The following TMEM26 variants were observed in gnomAD, a reference collection of about 807,000 sequenced individuals.
The protein encoded by TMEM26 is transmembrane protein 26.
TMEM26 carries 38 observed loss-of-function variants against 28.8 expected under a neutral mutation model. The observed-to-expected ratio is 1.32, with a 90% CI of 1.02 to 1.73. The LOEUF (loss-of-function observed/expected upper bound fraction) is 1.73. Ranked by LOEUF, TMEM26 falls within the 40% of genes most tolerant of loss-of-function variation. The pLI, the probability that TMEM26 is intolerant of heterozygous loss-of-function variation, is 0.00. For missense variants in TMEM26, 518 were observed against 447.1 expected (o/e 1.16, Z -1.43); for synonymous variants, 227 against 182.9 (o/e 1.24, Z -1.95).
intron 2 of TMEM26, among the ~76,000 whole-genome samples, chr10:61,432,357 T>G (rs2135314259): frequency 6.6e-6 from 1 of 152,270 alleles, no homozygotes; most frequent in Middle Eastern, 3.4e-3. Flanking sequence ...CTTTTTTGTT[T>G]CTTCATTTTG....
At chr10:61,430,413 A>T (rs1405161112) in intron 3 of TMEM26, among the ~76,000 whole-genome samples, 1 of 152,006 alleles carries the variant, frequency 6.6e-6, no homozygotes, top group Non-Finnish European at 1.5e-5. Context: ...TCTCTATGTT[A>T]TTAATAAACA....
At position 61,436,376 on chromosome 10, in the gene TMEM26, A is replaced by G. The variant is rs1915440; in HGVS notation, c.192-128T>C. ...ACATTGAGTCAAACCTTTTCGTATA[A>G]CTTCAAAGTGTTTATTTCAATGAAG... On this transcript the variant is annotated intron_variant, in intron 1 of 5. Coordinates refer to ENST00000399298, the MANE Select transcript of TMEM26 (RefSeq NM_178505.8). 5.7e-6 allele frequency: 3 copies of G among 525,596 alleles called. No homozygotes were observed. In the African/African-American group the frequency reaches 5.8e-5, roughly 10 times the overall value. 32.6% of individuals were successfully genotyped at this position (525,596 alleles called of 1,614,324 possible).
chr10:61,436,966 CA>C (rs1840018291), intron 1 of TMEM26, among the ~76,000 whole-genome samples: 2 of 152,284 alleles, frequency 1.3e-5, no homozygotes, highest in Admixed American at 1.3e-4. Flanking sequence ...TCTTAATCCA[CA>C]AAAACGTCAC....
At chr10:61,420,550 G>A (rs1191295438) in intron 4 of TMEM26, among the ~76,000 whole-genome samples, 1 of 152,082 alleles carries the variant, frequency 6.6e-6, no homozygotes, top group East Asian at 1.9e-4. Context: ...GTATATATAT[G>A]TAAAATGGTG....
chr10:61,436,236 G>A lies in TMEM26; in HGVS notation c.204C>T (p.Ala68=), dbSNP rs748156861. The change falls in exon 2 of 6, where the codon GCC becomes GCT. Residue 68 remains alanine (A), a synonymous_variant. Transcript: ENST00000399298. ...CGATGCTAATCAGATATAAAAATAT[G>A]GCTGGTGAAAACCTGTGAAAAGAGA... is the stretch of plus-strand genomic sequence containing the variant. ...RGRGYKWFSP[A]IFLYLISIVP... 9.4e-6 allele frequency: 15 copies of A among 1,600,402 alleles called. No homozygotes were observed. Among genetic ancestry groups the A allele is most frequent in the Non-Finnish European group, 1.2e-5 (14 of 1,172,616 alleles).
intron 4 of TMEM26, among the ~76,000 whole-genome samples, chr10:61,426,075 GTA>G (rs1243153995): frequency 1.3e-5 from 2 of 152,080 alleles, no homozygotes; most frequent in African/African-American, 4.8e-5. Flanking sequence ...ACAAAATGTG[GTA>G]TATGTGTTTA....
At chr10:61,417,280 G>A (rs994166258) in intron 4 of TMEM26, among the ~76,000 whole-genome samples, 1 of 151,880 alleles carries the variant, frequency 6.6e-6, no homozygotes, top group Non-Finnish European at 1.5e-5. Flanking sequence ...ATTGACATTA[G>A]TATCACTTTT....
chr10:61,452,783 GT>G (rs1840310379), intron 1 of TMEM26, 107 bp downstream of exon 1: 39 of 1,363,782 alleles, frequency 2.9e-5, no homozygotes, highest in Middle Eastern at 2.2e-4. Context: ...GAAAAACGGG[GT>G]CCAAATTCGA....
chr10:61,445,581 T>C (rs1840166621), intron 1 of TMEM26, among the ~76,000 whole-genome samples: 1 of 152,214 alleles, frequency 6.6e-6, no homozygotes, highest in Non-Finnish European at 1.5e-5. Flanking sequence ...AAATTGGCGT[T>C]CACCCTGGCA....
chr10:61,437,146 A>G (rs1840021175), intron 1 of TMEM26, among the ~76,000 whole-genome samples: 1 of 152,184 alleles, frequency 6.6e-6, no homozygotes, highest in South Asian at 2.1e-4. Context: ...TGCCTTCTCC[A>G]TGTGTCCTCA....
intron 4 of TMEM26, among the ~76,000 whole-genome samples, chr10:61,415,585 T>C (rs1466064190): frequency 6.6e-6 from 1 of 152,050 alleles, no homozygotes; most frequent in African/African-American, 2.4e-5. Flanking sequence ...AAAAGAGAGT[T>C]GAGGAAATTT....
At position 61,436,159 on chromosome 10, in the gene TMEM26, A is replaced by G. The variant is rs763595090; in HGVS notation, c.270+11T>C. On this transcript the variant is annotated intron_variant, in intron 2 of 5. Transcript: ENST00000399298. The stretch of plus-strand genomic sequence containing the variant: ...TGAATAGGTCAATTCCTACTTTCCA[A>G]AAAGAAGTACCTGGGTCTCATGGTG... The G allele has an allele frequency of 1.6e-5, 25 of 1,571,896 alleles. No individual in the cohort carries two copies. The Middle Eastern group carries it at 6.7e-4, about 42-fold the overall frequency.
chr10:61,411,210 G>C (rs967090725), intron 5 of TMEM26, among the ~76,000 whole-genome samples: 1 of 152,176 alleles, frequency 6.6e-6, no homozygotes. Flanking sequence ...AGTTGCTGGC[G>C]GGGTCACTAA....
chr10:61,446,851 A>T (rs1173736222), intron 1 of TMEM26, among the ~76,000 whole-genome samples: 2 of 124,978 alleles, frequency 1.6e-5, no homozygotes, highest in African/African-American at 6.7e-5. Flanking sequence ...AAAAAAAAAA[A>T]ATTAAAAATG....
rs767372945 is a variant in TMEM26, at chr10:61,436,194, A to G, written c.246T>C (p.Leu82=). 13 of 1,610,010 alleles carry G rather than the reference A, an allele frequency of 8.1e-6. No homozygotes were observed. The highest frequency in any genetic ancestry group is 1.1e-5 in the Non-Finnish European group (13 of 1,177,468). ...CCTGGGTCTCATGGTGCAATTCAAG[A>G]AGCCATAATGATGGAACGATGCTAA... ...YLISIVPSLW[L]LELHHETQYC... is the part of the protein sequence containing the mutation. The change falls in exon 2 of 6, where the codon CTT becomes CTC. Residue 82 remains leucine (L), a synonymous_variant. Coordinates refer to ENST00000399298, the MANE Select transcript of TMEM26 (RefSeq NM_178505.8).
intron 2 of TMEM26, among the ~76,000 whole-genome samples, chr10:61,433,716 G>C (rs1439147861): frequency 2.0e-5 from 3 of 152,080 alleles, no homozygotes; most frequent in African/African-American, 7.2e-5. Flanking sequence ...ATAGTATATA[G>C]AGCAAACGGA....
intron 1 of TMEM26, among the ~76,000 whole-genome samples, chr10:61,444,846 T>A (rs1840153758): frequency 6.6e-6 from 1 of 152,038 alleles, no homozygotes. Context: ...TCTCCAGACC[T>A]CTAAGCTGTA....
intron 4 of TMEM26, chr10:61,415,026 C>T: frequency 1.0e-6 from 1 of 985,352 alleles, no homozygotes; most frequent in South Asian, 4.7e-5. Flanking sequence ...TTCTTTTCTA[C>T]TTCACATTTT....
rs546360789 is a variant in TMEM26, at chr10:61,447,144, G to C, written c.191+5747C>G. ...TTCCAGTGCCCAAGTTGGCCATATG[G>C]AAGTCACAGGGTCTCCTTTCAAATC... On this transcript the variant is annotated intron_variant, in intron 1 of 5. Coordinates refer to ENST00000399298, the MANE Select transcript of TMEM26 (RefSeq NM_178505.8). 2.6e-5 allele frequency among the ~76,000 whole-genome samples: 4 copies of C among 152,292 alleles called. No homozygotes were observed. The South Asian group carries it at 8.3e-4, about 32-fold the overall frequency.
Sources: gnomAD v4.1 joint callset for allele counts (sites outside exome capture counted in the v4.1 genomes callset) on GRCh38, gnomAD v4.1.1 for gene constraint, MANE v1.5 for transcripts, NCBI Gene and HGNC (gene_info 2026-07-23, HGNC 2026-07-21) for gene names.